GPHN: variants seen among roughly 807,000 people sequenced by gnomAD.
GPHN encodes gephyrin.
A neutral mutation model predicts 95.5 loss-of-function variants in GPHN; 17 were observed. The observed-to-expected ratio is 0.18, with a 90% CI of 0.12 to 0.27. The LOEUF (loss-of-function observed/expected upper bound fraction) is 0.27. Among genes scored for constraint, GPHN ranks in the 10% least tolerant of loss-of-function variants. The pLI is 1.00. For missense variants in GPHN, 660 were observed against 978.1 expected (o/e 0.67, Z 4.34); for synonymous variants, 320 against 322.5 (o/e 0.99, Z 0.08).
At chr14:67,733,814 T>G in the GPHN span, 1 of 1,613,388 alleles carries the variant, frequency 6.2e-7, no homozygotes, top group South Asian at 1.1e-5. Flanking sequence ...CTATGGAATG[T>G]CAGCTGTGAG....
At chr14:67,526,040 T>C in the GPHN span, among the ~76,000 whole-genome samples, 2 of 152,202 alleles carry the variant, frequency 1.3e-5, no homozygotes, top group African/African-American at 2.4e-5. Context: ...ACCAACCTTA[T>C]ATATGAGACC....
At chr14:67,483,742 A>G in the GPHN span, among the ~76,000 whole-genome samples, 1 of 152,190 alleles carries the variant, frequency 6.6e-6, no homozygotes, top group African/African-American at 2.4e-5. Context: ...AGCCCACACC[A>G]GTGCTCCTGG....
the GPHN span, among the ~76,000 whole-genome samples, chr14:67,492,297 C>T: frequency 1.3e-5 from 2 of 152,204 alleles, no homozygotes; most frequent in Non-Finnish European, 2.9e-5. Flanking sequence ...GCCTGGCCGC[C>T]GTCCCAGAGT....
chr14:67,064,638 A>G (rs556476795), intron 11 of GPHN, among the ~76,000 whole-genome samples: 8 of 152,262 alleles, frequency 5.3e-5, no homozygotes, highest in African/African-American at 1.7e-4. Flanking sequence ...TCAGAGATTC[A>G]ACTTCTTCCT....
chr14:66,856,971 T>C (rs1472959343), intron 4 of GPHN, among the ~76,000 whole-genome samples: 1 of 152,070 alleles, frequency 6.6e-6, no homozygotes, highest in Non-Finnish European at 1.5e-5. Context: ...CATGGTAAAA[T>C]GTGTTTATCA....
At chr14:66,878,211 TACAAAAATTA>T (rs2063757526) in intron 4 of GPHN, among the ~76,000 whole-genome samples, 1 of 152,112 alleles carries the variant, frequency 6.6e-6, no homozygotes. Context: ...TTACACCTTA[TACAAAAATTA>T]ACTCAAGATG....
chr14:66,829,665 T>C (rs2061511635), intron 4 of GPHN, among the ~76,000 whole-genome samples: 1 of 152,190 alleles, frequency 6.6e-6, no homozygotes, highest in Non-Finnish European at 1.5e-5. Flanking sequence ...TAAGCTGTAT[T>C]GAATTAAGGG....
the GPHN span, among the ~76,000 whole-genome samples, chr14:67,452,878 T>C: frequency 5.9e-5 from 9 of 152,210 alleles, no homozygotes; most frequent in African/African-American, 2.2e-4. Flanking sequence ...AAGAGGCAGA[T>C]CCAGAAATGG....
At chr14:67,397,090 G>A in the GPHN span, among the ~76,000 whole-genome samples, 13 of 138,620 alleles carry the variant, frequency 9.4e-5, no homozygotes, top group South Asian at 2.4e-4. Context: ...AGGCCACTGC[G>A]ACCACGCTCA....
chr14:66,514,437 C>A (rs1191064903), intron 1 of GPHN, among the ~76,000 whole-genome samples: 2 of 152,004 alleles, frequency 1.3e-5, no homozygotes, highest in South Asian at 2.1e-4. Context: ...TATTGTGTAA[C>A]CCTCTCTCAG....
intron 10 of GPHN, among the ~76,000 whole-genome samples, chr14:67,026,784 A>G (rs1433820274): frequency 1.3e-5 from 2 of 152,192 alleles, no homozygotes; most frequent in Non-Finnish European, 2.9e-5. Flanking sequence ...CTGGGACTAC[A>G]GGTGCCCGCC....
At chr14:67,473,924 G>T in the GPHN span, 31 of 1,597,074 alleles carry the variant, frequency 1.9e-5, no homozygotes, top group Non-Finnish European at 2.5e-5. The surrounding 1 kb of genome is among the most constrained non-coding windows in gnomAD (Gnocchi z 6.5). Flanking sequence ...CAGACGCCAT[G>T]GCGCCGACTG....
chr14:66,844,866 A>C (rs976889044), intron 4 of GPHN, among the ~76,000 whole-genome samples: 1 of 152,104 alleles, frequency 6.6e-6, no homozygotes, highest in Non-Finnish European at 1.5e-5. Flanking sequence ...TACCCATTAA[A>C]CAAAAACTCC....
At chr14:67,151,051 C>T (rs1255563292) in intron 18 of GPHN, among the ~76,000 whole-genome samples, 1 of 152,170 alleles carries the variant, frequency 6.6e-6, no homozygotes, top group Admixed American at 6.5e-5. Flanking sequence ...TACTATCTCT[C>T]TCAGCCAGTT....
chr14:67,691,070 A>T, the GPHN span: 1 of 992,004 alleles, frequency 1.0e-6, no homozygotes, highest in East Asian at 2.4e-5. Context: ...AGAAGCCTCA[A>T]TCTGACCCCT....
intron 1 of GPHN, among the ~76,000 whole-genome samples, chr14:66,546,758 C>A (rs952309598): frequency 8.9e-6 from 1 of 112,684 alleles, no homozygotes; most frequent in South Asian, 3.3e-4. Context: ...AGAGGGAGAC[C>A]GTGGAAAGAG....
chr14:67,588,114 C>T, the GPHN span: 2 of 152,612 alleles, frequency 1.3e-5, no homozygotes, highest in African/African-American at 4.8e-5. Context: ...GCTATACCTG[C>T]TAAGATTCAA....
intron 1 of GPHN, among the ~76,000 whole-genome samples, chr14:66,666,707 TCTC>T (rs1383310031): frequency 6.6e-6 from 1 of 152,116 alleles, no homozygotes; most frequent in Non-Finnish European, 1.5e-5. Flanking sequence ...CTGGAAGCAT[TCTC>T]CTTGAAAACC....
intron 9 of GPHN, among the ~76,000 whole-genome samples, chr14:67,003,456 C>T (rs182414691): frequency 1.0e-3 from 159 of 151,754 alleles, no homozygotes; most frequent in Non-Finnish European, 1.5e-3. Flanking sequence ...TAACTTCTAA[C>T]AGAATCCAGC....
Sources: allele counts gnomAD v4.1 joint callset (sites outside exome capture counted in the v4.1 genomes callset), GRCh38; gene constraint gnomAD v4.1.1; non-coding constraint Gnocchi (gnomAD v3.1); transcripts MANE v1.5; gene names NCBI Gene and HGNC (gene_info 2026-07-23, HGNC 2026-07-21).